Variants in ABCC1 observed in about 807,000 individuals in gnomAD.
ABCC1 encodes the protein multidrug resistance-associated protein 1.
Under a neutral mutation model 172.9 loss-of-function variants are expected in ABCC1, and 83 were observed. That is an observed-to-expected ratio of 0.48 (90% CI 0.40 to 0.58). The LOEUF is 0.58. ABCC1 is among the 20% of genes least tolerant of loss of function. The pLI is 0.00. For synonymous variants in ABCC1, 937 were observed against 825.2 expected (o/e 1.14, Z -2.32); for missense variants, 1,817 against 2,002.7 (o/e 0.91, Z 1.77).
chr16:16,052,910 G>A, intron 11 of ABCC1, 94 bp downstream of exon 11: 11 of 1,259,132 alleles, frequency 8.7e-6, no homozygotes, highest in Non-Finnish European at 1.3e-5. Flanking sequence ...TCTGTCCCTG[G>A]GGTTCTCAGC....
intron 14 of ABCC1, among the ~76,000 whole-genome samples, chr16:16,073,939 C>G (rs1278023955): frequency 6.6e-6 from 1 of 152,216 alleles, no homozygotes; most frequent in Non-Finnish European, 1.5e-5. Context: ...CGCAGGCGCT[C>G]AGGTATCTTT....
chr16:16,130,663 C>T (rs921508024), intron 26 of ABCC1, among the ~76,000 whole-genome samples: 4 of 152,210 alleles, frequency 2.6e-5, no homozygotes, highest in Non-Finnish European at 5.9e-5. Context: ...TGAAATACAT[C>T]TATTACCTTA....
intron 1 of ABCC1, among the ~76,000 whole-genome samples, chr16:15,952,499 C>G (rs2045895289): frequency 6.6e-6 from 1 of 151,868 alleles, no homozygotes; most frequent in Non-Finnish European, 1.5e-5. Flanking sequence ...TGGAAATGGC[C>G]CATGATAAGT....
chr16:16,037,075 C>T (rs1481707747), intron 7 of ABCC1, among the ~76,000 whole-genome samples: 1 of 151,454 alleles, frequency 6.6e-6, no homozygotes, highest in Non-Finnish European at 1.5e-5. Context: ...GCATACTAGC[C>T]TGGGAGACAG....
Position 15,968,075 on chromosome 16 carries a change from C to T in ABCC1, c.48+18276C>T, listed in dbSNP as rs139447680. Reference sequence around the variant, plus strand: ...TGAGACGGAGTCTTGCTCCATTGCCCAGTCTGGAGTACAGTGATCTCGGCT... The same window carrying T: ...TGAGACGGAGTCTTGCTCCATTGCCTAGTCTGGAGTACAGTGATCTCGGCT... On this transcript the variant is annotated intron_variant, in intron 1 of 30. Transcript: ENST00000399410. Among the ~76,000 whole-genome samples, 227 of 152,204 alleles carry T rather than the reference C, an allele frequency of 1.5e-3. 5 individuals carry two copies. The East Asian group carries it at 0.035, about 23-fold the overall frequency.
intron 13 of ABCC1, among the ~76,000 whole-genome samples, chr16:16,070,243 T>A (rs35614): frequency 1.3e-5 from 2 of 151,766 alleles, no homozygotes; most frequent in Admixed American, 6.6e-5. Context: ...GTGGGGTGCA[T>A]GCCTGCAGTG....
chr16:16,059,024 G>A (rs2049793384), intron 12 of ABCC1, among the ~76,000 whole-genome samples: 1 of 151,816 alleles, frequency 6.6e-6, no homozygotes, highest in Admixed American at 6.6e-5. Context: ...AGGTCTGGTT[G>A]GGGCCTGAGT....
intron 10 of ABCC1, among the ~76,000 whole-genome samples, chr16:16,049,678 G>GT (rs1190427685): frequency 3.3e-5 from 5 of 151,664 alleles, no homozygotes; most frequent in Non-Finnish European, 5.9e-5. Context: ...TTCTGAAATA[G>GT]TTTTTTTTGT....
chr16:16,064,530 CCT>C (rs2050041412), intron 12 of ABCC1, among the ~76,000 whole-genome samples: 1 of 152,208 alleles, frequency 6.6e-6, no homozygotes, highest in Admixed American at 6.5e-5. Flanking sequence ...TGTCCTGTCC[CCT>C]CTCTGTGTGT....
intron 1 of ABCC1, among the ~76,000 whole-genome samples, chr16:15,984,083 C>G (rs1368601392): frequency 6.6e-6 from 1 of 152,130 alleles, no homozygotes; most frequent in Non-Finnish European, 1.5e-5. Flanking sequence ...TAAGGGAACT[C>G]ATTGTGTCAT....
intron 19 of ABCC1, among the ~76,000 whole-genome samples, chr16:16,092,148 G>A (rs1283958769): frequency 6.6e-6 from 1 of 152,232 alleles, no homozygotes; most frequent in Non-Finnish European, 1.5e-5. Flanking sequence ...TGAGGCAGGA[G>A]AATAGTTTGA....
At chr16:16,017,347 CA>C (rs2048038275) in intron 5 of ABCC1, among the ~76,000 whole-genome samples, 1 of 151,926 alleles carries the variant, frequency 6.6e-6, no homozygotes, top group Non-Finnish European at 1.5e-5. Flanking sequence ...CTTCCTACCT[CA>C]GCTTTCTGAG....
Position 15,949,781 on chromosome 16 carries a change from T to C in ABCC1, c.30T>C (p.Asp10=). MALRGFCSA[D]GSDPLWDWNV... The stretch of plus-strand genomic sequence containing the variant: ...CGCTCCGGGGCTTCTGCAGCGCCGA[T>C]GGCTCCGACCCGCTCTGGGTACGTG... Residue 10 remains aspartate, a synonymous_variant, in exon 1 of 31, where the codon GAT becomes GAC. Transcript: ENST00000399410. 8.4e-7 allele frequency: 1 copy of C among 1,196,806 alleles called. No homozygotes were observed. The highest frequency in any genetic ancestry group is 1.0e-6 in the Non-Finnish European group (1 of 965,624). 74.1% of individuals were successfully genotyped at this position (1,196,806 alleles called of 1,614,324 possible). A position where few individuals can be genotyped will look rare whatever the true frequency, so the allele number is the denominator to read the frequency against.
intron 5 of ABCC1, among the ~76,000 whole-genome samples, chr16:16,020,832 A>G (rs45581641): frequency 6.6e-6 from 1 of 152,332 alleles, no homozygotes; most frequent in East Asian, 1.9e-4. Context: ...CTCTCACAGC[A>G]GTCCTGGTGA....
At chr16:15,972,626 G>C (rs1338221690) in intron 1 of ABCC1, among the ~76,000 whole-genome samples, 2 of 152,028 alleles carry the variant, frequency 1.3e-5, no homozygotes, top group Admixed American at 6.6e-5. Flanking sequence ...CAGACTTCTG[G>C]TCATGTCTCC....
rs139073984 is a variant in ABCC1, at chr16:16,016,650, G to A, written c.615+29G>A. 6 of 1,613,414 alleles carry A rather than the reference G, an allele frequency of 3.7e-6. No homozygotes were observed. In the African/African-American group the frequency reaches 4.0e-5, roughly 11 times the overall value. On this transcript the variant is annotated intron_variant, in intron 5 of 30. Coordinates refer to ENST00000399410, the MANE Select transcript of ABCC1 (RefSeq NM_004996.4). ...AGTGTGACCACAGATGAGTGTGTGT[G>A]CGTGTGTGTGTGAGAGAGATGCGTG...
intron 6 of ABCC1, among the ~76,000 whole-genome samples, chr16:16,034,580 CTTT>C (rs35163690): frequency 2.4e-5 from 2 of 84,666 alleles, no homozygotes; most frequent in Non-Finnish European, 4.4e-5. Flanking sequence ...TGTATGTTAA[CTTT>C]TTTTTTTTTT....
intron 1 of ABCC1, among the ~76,000 whole-genome samples, chr16:15,993,748 A>G (rs1057227415): frequency 1.2e-4 from 1 of 8,668 alleles, no homozygotes; most frequent in African/African-American, 6.3e-4. Flanking sequence ...CACTGCTCAC[A>G]TGCGGGGGTG....
chr16:16,092,073 A>T (rs1002998221), intron 19 of ABCC1, among the ~76,000 whole-genome samples: 38 of 152,206 alleles, frequency 2.5e-4, no homozygotes, highest in Admixed American at 1.3e-3. Flanking sequence ...CCCTGTCTCT[A>T]CTAAAAATAC....
Sources: allele counts gnomAD v4.1 joint callset (sites outside exome capture counted in the v4.1 genomes callset), GRCh38; gene constraint gnomAD v4.1.1; transcripts MANE v1.5; gene names NCBI Gene and HGNC (gene_info 2026-07-23, HGNC 2026-07-21).